CCDC160: variants seen among roughly 807,000 people sequenced by gnomAD.
CCDC160 encodes the protein coiled-coil domain containing 160.
For missense variants in CCDC160, 227 were observed against 215.6 expected, an observed-to-expected ratio of 1.05 and a Z score of -0.33; for synonymous variants, 94 against 79.4, an observed-to-expected ratio of 1.18 and a Z score of -0.98.
intron 1 of CCDC160, among the ~76,000 whole-genome samples, chrX:134,244,384 C>T (rs1235484167): frequency 8.9e-6 from 1 of 112,447 alleles, no homozygotes; most frequent in Non-Finnish European, 1.9e-5. Context: ...AGGCATCAGA[C>T]ACATTGAAAG....
intron 1 of CCDC160, among the ~76,000 whole-genome samples, chrX:134,243,868 GTTC>G (rs1162885186): frequency 3.6e-5 from 4 of 111,648 alleles, no homozygotes; most frequent in African/African-American, 1.3e-4. Flanking sequence ...TACTGCTCTG[GTTC>G]TTCTTTCTCC....
At chrX:134,240,664 CTTTTTTTTTTT>C (rs3045487) in intron 1 of CCDC160, among the ~76,000 whole-genome samples, 7 of 27,162 alleles carry the variant, frequency 2.6e-4, no homozygotes, top group African/African-American at 9.7e-4. Flanking sequence ...AAACCAAATT[CTTTTTTTTTTT>C]TTTTTTTTTT....
At chrX:134,243,492 A>G in intron 1 of CCDC160, 1 of 245,380 alleles carries the variant, frequency 4.1e-6, no homozygotes, top group Non-Finnish European at 5.7e-6. Context: ...TACTGTTTGT[A>G]AAAAGAAAAG....
chrX:134,242,878 G>A (rs1215301229), intron 1 of CCDC160, among the ~76,000 whole-genome samples: 1 of 110,911 alleles, frequency 9.0e-6, no homozygotes, highest in Non-Finnish European at 1.9e-5. Context: ...CTGATTAGAA[G>A]CATTTTTATC....
rs751848201 is a variant in CCDC160, at chrX:134,241,884, A to G, written c.-24-2893A>G. ...GTTTATTGAGAACAAAATGGCTACC[A>G]GGCCAGGGTAGAGGAGTGTCATTGC... On this transcript the variant is annotated intron_variant, in intron 1 of 1. Transcript: ENST00000370809. Among the ~76,000 whole-genome samples, 5 of 112,319 alleles carry G rather than the reference A, an allele frequency of 4.5e-5. No individual in the cohort carries two copies. The South Asian group carries it at 1.8e-3, about 41-fold the overall frequency.
In CCDC160 at chrX:134,245,305, G is replaced by A. The variant is rs2077039362; in HGVS notation, c.505G>A (p.Glu169Lys). The A allele has an allele frequency of 8.4e-7, 1 of 1,184,134 alleles. No homozygotes were observed. Among genetic ancestry groups the A allele is most frequent in the Non-Finnish European group, 1.1e-6 (1 of 882,693 alleles). The change falls in exon 2 of 2, where the codon GAA (glutamate) becomes AAA (lysine). Residue 169 changes from glutamate to lysine, a missense_variant. Glu to Lys is a moderately conservative substitution (Grantham distance 56). Transcript: ENST00000370809. ...ATACAGAAAAATAGAAGAGGAATTTGAAAATGCTGAAAAAGAACTTTTGCA... is the reference window on the plus strand; with the variant it reads ...ATACAGAAAAATAGAAGAGGAATTTAAAAATGCTGAAAAAGAACTTTTGCA...
chrX:134,238,257 C>T (rs1001344595), intron 1 of CCDC160, among the ~76,000 whole-genome samples: 1 of 110,062 alleles, frequency 9.1e-6, no homozygotes, highest in African/African-American at 3.3e-5. Context: ...GGAAGGAAGA[C>T]TTAGTGGCAT....
intron 1 of CCDC160, among the ~76,000 whole-genome samples, chrX:134,237,646 A>G (rs1386558006): frequency 8.9e-6 from 1 of 111,771 alleles, no homozygotes; most frequent in Non-Finnish European, 1.9e-5. Flanking sequence ...GGACCGAAGC[A>G]GCGCCCCGAC....
At chrX:134,246,794 A>G (rs535929330), downstream of CCDC160, among the ~76,000 whole-genome samples, 5 of 112,168 alleles carry the variant, frequency 4.5e-5, no homozygotes, top group South Asian at 1.1e-3. Context: ...TAGGAGCTCT[A>G]TTTGCATGGT....
chrX:134,239,639 G>A (rs1285708895), intron 1 of CCDC160, among the ~76,000 whole-genome samples: 5 of 109,721 alleles, frequency 4.6e-5, no homozygotes, highest in East Asian at 2.8e-4. Flanking sequence ...GATGACTTCC[G>A]GCTGGCCACT....
At chrX:134,240,887 G>A (rs1329684577) in intron 1 of CCDC160, among the ~76,000 whole-genome samples, 1 of 106,878 alleles carries the variant, frequency 9.4e-6, no homozygotes, top group Non-Finnish European at 1.9e-5. Context: ...ATGTTGCCCA[G>A]GCTGGTTTTG....
At chrX:134,240,664 C>CTA (rs2077024528) in intron 1 of CCDC160, among the ~76,000 whole-genome samples, 9 of 27,169 alleles carry the variant, frequency 3.3e-4, no homozygotes, top group African/African-American at 1.3e-3. Flanking sequence ...AAACCAAATT[C>CTA]TTTTTTTTTT....
At chrX:134,244,542 T>C (rs1359077925) in intron 1 of CCDC160, among the ~76,000 whole-genome samples, 1 of 112,132 alleles carries the variant, frequency 8.9e-6, no homozygotes, top group East Asian at 2.8e-4. Context: ...ACTAGTTCTA[T>C]TTCATAGGAT....
In CCDC160 at chrX:134,245,033, AT is replaced by A. The variant is rs765458408; in HGVS notation, c.236del (p.Leu79Ter). On this transcript the variant is annotated frameshift_variant, in exon 2 of 2. Transcript: ENST00000370809. LOFTEE classifies it low-confidence loss of function (END_TRUNC). ...CTAAATGAAATAGAACAAGAACAAAATTTAAGAGAGAACAAGAGAAACATTT... is the reference window on the plus strand; with the variant it reads ...CTAAATGAAATAGAACAAGAACAAAATTAAGAGAGAACAAGAGAAACATTT... The A allele has an allele frequency of 4.2e-6, 5 of 1,181,136 alleles. No individual in the cohort carries two copies. Among genetic ancestry groups the A allele is most frequent in the Non-Finnish European group, 4.6e-6 (4 of 878,720 alleles).
chrX:134,245,903 T>A (rs888108936), downstream of CCDC160: 5 of 490,185 alleles, frequency 1.0e-5, no homozygotes, highest in Non-Finnish European at 1.6e-5. Context: ...AATCACAGTA[T>A]CTATAAAACA....
rs188848992 is a variant in CCDC160 at position 134,238,619 on chromosome X, C to T, written c.-25+1276C>T. Among the ~76,000 whole-genome samples, 629 of 110,913 alleles carry T rather than the reference C, an allele frequency of 5.7e-3. 6 individuals carry two copies. Among genetic ancestry groups the T allele is most frequent in the African/African-American group, 0.02 (602 of 30,530 alleles). ...AACTCCTGACCTTGTGATCCGCCCG[C>T]CTCAGCCTCCCAAAGTGCTGGGATT... is the stretch of plus-strand genomic sequence containing the variant. On this transcript the variant is annotated intron_variant, in intron 1 of 1. Coordinates refer to ENST00000370809, the Ensembl canonical transcript of CCDC160.
downstream of CCDC160, chrX:134,246,234 C>G (rs1486460047): frequency 8.9e-6 from 1 of 111,925 alleles, no homozygotes; most frequent in Non-Finnish European, 1.9e-5. Flanking sequence ...TTATAACTGC[C>G]TGTTCAAACT....
chrX:134,245,469 G>T (rs1433270475), exon 2 of CCDC160: 1 of 1,188,735 alleles, frequency 8.4e-7, no homozygotes, highest in African/African-American at 1.7e-5. Context: ...TAAGTGAACA[G>T]CTCCAGCAAG....
At chrX:134,245,310 T>C in exon 2 of CCDC160, 1 of 1,188,291 alleles carries the variant, frequency 8.4e-7, no homozygotes, top group Non-Finnish European at 1.1e-6. Context: ...AATTTGAAAA[T>C]GCTGAAAAAG....
Sources: gnomAD v4.1 joint callset for allele counts (sites outside exome capture counted in the v4.1 genomes callset) on GRCh38, gnomAD v4.1.1 for gene constraint, MANE v1.5 for transcripts, NCBI Gene and HGNC (gene_info 2026-07-23, HGNC 2026-07-21) for gene names.